CDK5RAP2: variants seen among roughly 807,000 people sequenced by gnomAD.
The protein encoded by CDK5RAP2 is CDK5 regulatory subunit associated protein 2, also known as CDK5 regulatory subunit-associated protein 2.
Under a neutral mutation model 232.9 loss-of-function variants are expected in CDK5RAP2, and 147 were observed. That is an observed-to-expected ratio of 0.63 (90% CI 0.55 to 0.72). The LOEUF (loss-of-function observed/expected upper bound fraction) is 0.72, where lower values mean the gene tolerates loss of function less well. Ranked by LOEUF, CDK5RAP2 falls within the 30% of genes least tolerant of loss-of-function variation. The probability of loss-of-function intolerance (pLI) is 0.00; values close to 1 mark genes in which losing one functional copy is unlikely to be tolerated. For missense variants in CDK5RAP2, 2,195 were observed against 2,231.5 expected (o/e 0.98, Z 0.33); for synonymous variants, 833 against 833.7 (o/e 1.00, Z 0.01).
intron 10 of CDK5RAP2, among the ~76,000 whole-genome samples, chr9:120,525,543 C>T (rs182813120): frequency 1.3e-5 from 2 of 152,218 alleles, no homozygotes; most frequent in African/African-American, 4.8e-5. Flanking sequence ...GCAGCTCTGA[C>T]ACCAGTGTCC....
In CDK5RAP2 at chr9:120,460,646, C is replaced by T. The variant is rs774457063; in HGVS notation, c.2128G>A (p.Glu710Lys). Residue 710 changes from glutamate (E) to lysine (K), a missense_variant, in exon 19 of 38, where the codon GAG (glutamate) becomes AAG (lysine). Transcript: ENST00000349780. ...QTELLASKED[E>K]DTIKIGEDDE... ...TCCTCCCCAATTTTGATCGTGTCCT[C>T]GTCCTCCTTGCTAGCCAGAAGCTAC... 9.9e-6 allele frequency: 16 copies of T among 1,613,982 alleles called. No individual in the cohort carries two copies. In the East Asian group the frequency reaches 2.7e-4, roughly 27 times the overall value.
chr9:120,461,194 T>C (rs758154071), intron 18 of CDK5RAP2, among the ~76,000 whole-genome samples: 53 of 152,276 alleles, frequency 3.5e-4, no homozygotes, highest in Non-Finnish European at 6.6e-4. Flanking sequence ...AGATGGACAG[T>C]CCTGGCAACA....
chr9:120,389,682 G>T, intron 37 of CDK5RAP2, 59 bp downstream of exon 37: 2 of 1,496,908 alleles, frequency 1.3e-6, no homozygotes, highest in African/African-American at 1.4e-5. Flanking sequence ...GGTCCTTTCT[G>T]GCCCTGCACT....
intron 12 of CDK5RAP2, among the ~76,000 whole-genome samples, chr9:120,514,030 C>A (rs1266843492): frequency 6.6e-6 from 1 of 152,152 alleles, no homozygotes; most frequent in South Asian, 2.1e-4. Context: ...CTTCCAAGAC[C>A]TGGTATAAAA....
At chr9:120,407,494 AT>A in intron 31 of CDK5RAP2, 1 of 550,478 alleles carries the variant, frequency 1.8e-6, no homozygotes, top group Non-Finnish European at 3.3e-6. Flanking sequence ...AGCCTAGCAA[AT>A]TGCACACCAA....
At position 120,389,296 on chromosome 9, in the gene CDK5RAP2, G is replaced by A; in HGVS notation, c.5626-4C>T. 1 of 1,611,100 alleles carries A rather than the reference G, an allele frequency of 6.2e-7. No homozygotes were observed. Among genetic ancestry groups the A allele is most frequent in the East Asian group, 2.2e-5 (1 of 44,850 alleles). On this transcript the variant is annotated splice_polypyrimidine_tract_variant and splice_region_variant and intron_variant, in intron 37 of 37. Transcript: ENST00000349780. ...GATGGGCTCCCCCAGGCCTAAGCTA[G>A]GAAAAGGAAGAAAAAAAAGGAGAAT...
intron 27 of CDK5RAP2, among the ~76,000 whole-genome samples, chr9:120,416,298 A>T (rs1234386876): frequency 6.6e-6 from 1 of 152,202 alleles, no homozygotes; most frequent in Non-Finnish European, 1.5e-5. Context: ...CTGACTAAAA[A>T]TTCGGTTCCC....
chr9:120,545,936 T>A (rs2041824483), intron 4 of CDK5RAP2, 146 bp from the exon 5 acceptor site: 2 of 698,148 alleles, frequency 2.9e-6, no homozygotes, highest in African/African-American at 1.8e-5. Context: ...CTCATTAGCC[T>A]CAGGGCACAG....
chr9:120,484,227 A>G (rs887800020), intron 14 of CDK5RAP2, among the ~76,000 whole-genome samples: 8 of 152,228 alleles, frequency 5.3e-5, no homozygotes, highest in African/African-American at 1.7e-4. Flanking sequence ...CAAAATAGCC[A>G]AGGGCACAGC....
At chr9:120,512,696 A>G (rs183210457) in intron 12 of CDK5RAP2, among the ~76,000 whole-genome samples, 8 of 152,362 alleles carry the variant, frequency 5.3e-5, no homozygotes, top group African/African-American at 1.9e-4. Context: ...GAAATTAGAT[A>G]GAGTCCATAG....
chr9:120,518,129 A>G (rs1231562611), intron 12 of CDK5RAP2, among the ~76,000 whole-genome samples: 1 of 147,874 alleles, frequency 6.8e-6, no homozygotes, highest in Admixed American at 6.8e-5. Context: ...TTAAAAAAGC[A>G]CGATACAAAA....
Position 120,568,384 on chromosome 9 carries a change from G to C in CDK5RAP2, c.132C>G (p.Leu44=). ...NPNAGLGNGL[L]PNVSEETVSP... is the part of the protein sequence containing the mutation. ...ACACTGTTTCTTCTGACACATTTGG[G>C]AGCACTGTAAAAAGGTAAAATAGAG... Residue 44 remains leucine (L), a synonymous_variant, in exon 3 of 38, where the codon CTC becomes CTG. Coordinates refer to ENST00000349780, the MANE Select transcript of CDK5RAP2 (RefSeq NM_018249.6). 1 of 1,612,636 alleles carries C rather than the reference G, an allele frequency of 6.2e-7. No individual in the cohort carries two copies. Among genetic ancestry groups the C allele is most frequent in the African/African-American group, 1.3e-5 (1 of 75,000 alleles).
At position 120,546,182 on chromosome 9, in the gene CDK5RAP2, C is replaced by G. The variant is rs2041834420; in HGVS notation, c.307-392G>C. Among the ~76,000 whole-genome samples the G allele has an allele frequency of 2.6e-5, 4 of 152,142 alleles. No individual in the cohort carries two copies. The South Asian group carries it at 8.3e-4, about 32-fold the overall frequency. ...CAAAGCAATTACTGGTGGTTGTTTA[C>G]AATCATGCATGTGGTGGATGCAGCA... is the stretch of plus-strand genomic sequence containing the variant. On this transcript the variant is annotated intron_variant, in intron 4 of 37. Coordinates refer to ENST00000349780, the MANE Select transcript of CDK5RAP2 (RefSeq NM_018249.6).
chr9:120,396,089 T>G (rs1295051931), intron 35 of CDK5RAP2, among the ~76,000 whole-genome samples: 1 of 152,262 alleles, frequency 6.6e-6, no homozygotes, highest in Non-Finnish European at 1.5e-5. Context: ...GGCAAATGAA[T>G]GTACATTTAT....
chr9:120,568,410 GA>G, intron 2 of CDK5RAP2, 22 bp from the exon 3 acceptor site: 1 of 1,575,626 alleles, frequency 6.3e-7, no homozygotes, highest in Non-Finnish European at 8.7e-7. Flanking sequence ...TAAAATAGAG[GA>G]AAACGTCACA....
chr9:120,540,240 C>G (rs1474734849), intron 5 of CDK5RAP2, among the ~76,000 whole-genome samples: 2 of 152,194 alleles, frequency 1.3e-5, no homozygotes, highest in Non-Finnish European at 2.9e-5. Context: ...CAGTCCTCGT[C>G]AGATTTCTAA....
chr9:120,423,785 C>T (rs2034715537), intron 25 of CDK5RAP2, among the ~76,000 whole-genome samples: 1 of 152,192 alleles, frequency 6.6e-6, no homozygotes, highest in South Asian at 2.1e-4. Context: ...CAAAACTATT[C>T]CTAAAAGGAA....
At chr9:120,405,906 C>T (rs1270605706) in intron 32 of CDK5RAP2, among the ~76,000 whole-genome samples, 1 of 152,064 alleles carries the variant, frequency 6.6e-6, no homozygotes, top group Non-Finnish European at 1.5e-5. Flanking sequence ...AAAGGACACA[C>T]AATGACACAA....
At chr9:120,561,086 G>A (rs1334835700) in intron 3 of CDK5RAP2, among the ~76,000 whole-genome samples, 1 of 151,968 alleles carries the variant, frequency 6.6e-6, no homozygotes, top group African/African-American at 2.4e-5. Flanking sequence ...ACTTCACCTA[G>A]CATAACAAAA....
Sources: gnomAD v4.1 joint callset for allele counts (sites outside exome capture counted in the v4.1 genomes callset) on GRCh38, gnomAD v4.1.1 for gene constraint, MANE v1.5 for transcripts, NCBI Gene and HGNC (gene_info 2026-07-23, HGNC 2026-07-21) for gene names.